Variants in NCKAP5 observed in about 807,000 individuals in gnomAD.
NCKAP5 encodes the protein NCK associated protein 5.
Under a neutral mutation model 167.0 loss-of-function variants are expected in NCKAP5, and 92 were observed. That is an observed-to-expected ratio of 0.55 (90% CI 0.47 to 0.66). The LOEUF (loss-of-function observed/expected upper bound fraction) is 0.66. Among genes scored for constraint, NCKAP5 ranks in the 30% least tolerant of loss-of-function variants. The pLI is 0.00. For synonymous variants in NCKAP5, 891 were observed against 877.4 expected (o/e 1.02, Z -0.27); for missense variants, 2,378 against 2,315.0 (o/e 1.03, Z -0.56).
Position 132,734,037 on chromosome 2 carries a change from C to T in NCKAP5, c.5129-1986G>A, listed in dbSNP as rs138904780. ...CTCCAGGATATCTGAATCATACAGACGCACCAAGAGAAGTGCTTTTCTTTC... is the reference window on the plus strand; with the variant it reads ...CTCCAGGATATCTGAATCATACAGATGCACCAAGAGAAGTGCTTTTCTTTC... On this transcript the variant is annotated intron_variant, in intron 16 of 19. Transcript: ENST00000409261. Among the ~76,000 whole-genome samples the T allele has an allele frequency of 1.6e-3, 250 of 152,286 alleles. 1 individual carries two copies. Among genetic ancestry groups the T allele is most frequent in the African/African-American group, 5.7e-3 (238 of 41,548 alleles).
At chr2:133,244,930 C>A (rs1477779689) in intron 4 of NCKAP5, among the ~76,000 whole-genome samples, 1 of 152,102 alleles carries the variant, frequency 6.6e-6, no homozygotes, top group East Asian at 1.9e-4. Context: ...TAACACATAG[C>A]AAGTACTAAG....
chr2:132,939,664 TTCA>T (rs1329127983), intron 8 of NCKAP5, among the ~76,000 whole-genome samples: 8 of 152,136 alleles, frequency 5.3e-5, no homozygotes. Context: ...TTTCTGAGAG[TTCA>T]GTGTACCCAT....
intron 8 of NCKAP5, among the ~76,000 whole-genome samples, chr2:132,883,397 T>G (rs930855871): frequency 6.6e-6 from 1 of 152,146 alleles, no homozygotes; most frequent in Non-Finnish European, 1.5e-5. Flanking sequence ...CCCCCACCCT[T>G]GGTTTGGTCT....
chr2:133,127,023 T>A (rs2082425218), intron 6 of NCKAP5, among the ~76,000 whole-genome samples: 1 of 152,056 alleles, frequency 6.6e-6, no homozygotes, highest in African/African-American at 2.4e-5. Context: ...ATCCCAGATA[T>A]CATCATGCAC....
chr2:133,508,199 C>T (rs1366333630), intron 3 of NCKAP5, among the ~76,000 whole-genome samples: 1 of 152,058 alleles, frequency 6.6e-6, no homozygotes, highest in Non-Finnish European at 1.5e-5. Context: ...AGCCAGGCAC[C>T]CTGGAGTCAC....
chr2:132,689,540 C>T (rs1686445940), intron 19 of NCKAP5, among the ~76,000 whole-genome samples: 1 of 152,296 alleles, frequency 6.6e-6, no homozygotes, highest in South Asian at 2.1e-4. Flanking sequence ...CTCACACTGC[C>T]TCTGCTACTC....
intron 8 of NCKAP5, among the ~76,000 whole-genome samples, chr2:132,887,365 T>TTCCATCCATCCATCCATCCA (rs142512555): frequency 9.0e-5 from 12 of 133,808 alleles, no homozygotes; most frequent in Non-Finnish European, 1.5e-4. Context: ...CCATCCATCT[T>TTCCATCCATCCATCCATCCA]TCCATCCATC....
intron 4 of NCKAP5, among the ~76,000 whole-genome samples, chr2:133,278,715 T>C (rs2089827450): frequency 6.7e-6 from 1 of 149,826 alleles, no homozygotes; most frequent in South Asian, 2.1e-4. Flanking sequence ...TTGAAAGACG[T>C]CTGACAAAAT....
chr2:133,549,154 G>A (rs201537657), intron 2 of NCKAP5, among the ~76,000 whole-genome samples: 38,243 of 147,918 alleles, frequency 0.26, 4,516 homozygotes, highest in East Asian at 0.35. Flanking sequence ...AATGGTAAAG[G>A]GATCAATTCA....
intron 3 of NCKAP5, among the ~76,000 whole-genome samples, chr2:133,417,462 GGTCA>G (rs1689190493): frequency 6.6e-6 from 1 of 152,224 alleles, no homozygotes; most frequent in South Asian, 2.1e-4. Flanking sequence ...GAGCACAGTG[GGTCA>G]GTCTGGCAAG....
At chr2:133,452,836 C>G (rs1158868392) in intron 3 of NCKAP5, among the ~76,000 whole-genome samples, 1 of 152,130 alleles carries the variant, frequency 6.6e-6, no homozygotes, top group Non-Finnish European at 1.5e-5. Context: ...TGGCCTCTTT[C>G]CCCTGTACAG....
At chr2:132,852,721 C>T (rs924308620) in intron 11 of NCKAP5, among the ~76,000 whole-genome samples, 15 of 152,120 alleles carry the variant, frequency 9.9e-5, no homozygotes, top group South Asian at 6.2e-4. Context: ...TCACAAATTG[C>T]TTTTTGGAAA....
At chr2:132,941,354 G>A (rs1416848185) in intron 8 of NCKAP5, among the ~76,000 whole-genome samples, 1 of 152,176 alleles carries the variant, frequency 6.6e-6, no homozygotes, top group African/African-American at 2.4e-5. Flanking sequence ...CATTCATACA[G>A]TTTTAGGCAG....
At chr2:133,344,506 C>CA (rs1397421765) in intron 3 of NCKAP5, among the ~76,000 whole-genome samples, 1 of 151,794 alleles carries the variant, frequency 6.6e-6, no homozygotes, top group Admixed American at 6.6e-5. Context: ...ACAGAGGAAG[C>CA]ACTGCACTGC....
At chr2:133,287,986 T>C (rs1458311292) in intron 4 of NCKAP5, among the ~76,000 whole-genome samples, 1 of 152,212 alleles carries the variant, frequency 6.6e-6, no homozygotes, top group Non-Finnish European at 1.5e-5. Flanking sequence ...TGCTTGGTTT[T>C]ACAGAAAAAA....
chr2:133,068,712 C>T (rs1030388598), intron 6 of NCKAP5, among the ~76,000 whole-genome samples: 1 of 152,204 alleles, frequency 6.6e-6, no homozygotes, highest in Non-Finnish European at 1.5e-5. Context: ...AAACAGTGGC[C>T]ACACTGAATC....
At chr2:133,070,351 C>T (rs1357331415) in intron 6 of NCKAP5, among the ~76,000 whole-genome samples, 1 of 152,144 alleles carries the variant, frequency 6.6e-6, no homozygotes, top group Non-Finnish European at 1.5e-5. Flanking sequence ...TCAGACTCTT[C>T]TCACCCCAAC....
In NCKAP5 at chr2:133,329,460, C is replaced by A. The variant is rs181498569; in HGVS notation, c.70-26350G>T. The stretch of plus-strand genomic sequence containing the variant: ...AGGTAGAATCTACCTACCAAGGACA[C>A]CACTGGTCTTCATAAAGAATAGCCA... On this transcript the variant is annotated intron_variant, in intron 3 of 19. Coordinates refer to ENST00000409261, the MANE Select transcript of NCKAP5 (RefSeq NM_207363.3). Among the ~76,000 whole-genome samples, 98 of 152,170 alleles carry A rather than the reference C, an allele frequency of 6.4e-4. No homozygotes were observed. The Middle Eastern group carries it at 0.01, about 16-fold the overall frequency.
chr2:133,494,347 T>C lies in NCKAP5; in HGVS notation c.69+23111A>G, dbSNP rs145514032. Among the ~76,000 whole-genome samples the C allele has an allele frequency of 3.5e-3, 536 of 152,266 alleles. 2 individuals are homozygous for C. The highest frequency in any genetic ancestry group is 0.012 in the African/African-American group (493 of 41,546). ...TTGTTCACCAAGATATCTCAGTTTT[T>C]TTCTCTCCTAATGACCTTCTCCTCT... On this transcript the variant is annotated intron_variant, in intron 3 of 19. Coordinates refer to ENST00000409261, the MANE Select transcript of NCKAP5 (RefSeq NM_207363.3).
Sources: allele counts gnomAD v4.1 joint callset (sites outside exome capture counted in the v4.1 genomes callset), GRCh38; gene constraint gnomAD v4.1.1; transcripts MANE v1.5; gene names NCBI Gene and HGNC (gene_info 2026-07-23, HGNC 2026-07-21).